TTN: variants seen among roughly 807,000 people sequenced by gnomAD.
The protein encoded by TTN is titin.
Under a neutral mutation model 3,223.0 loss-of-function variants are expected in TTN, and 1,525 were observed. The ratio of observed to expected loss-of-function variants is 0.47; its 90% CI spans 0.45 to 0.49. TTN has a LOEUF of 0.49. Ranked by LOEUF, TTN falls within the 20% of genes least tolerant of loss-of-function variation. TTN has a pLI of 0.00. For synonymous variants in TTN, 14,094 were observed against 15,161.0 expected (o/e 0.93, Z 5.17); for missense variants, 40,786 against 43,424.0 (o/e 0.94, Z 5.40).
At chr2:178,746,777 CCTT>C in intron 47 of TTN, 1 of 1,613,412 alleles carries the variant, frequency 6.2e-7, no homozygotes, top group Non-Finnish European at 8.5e-7. Flanking sequence ...AACTGGAAGA[CCTT>C]CAACTTCAAC....
Position 178,566,663 on chromosome 2 carries a change from G to A in TTN, c.79469C>T (p.Pro26490Leu), listed in dbSNP as rs746317804. The A allele has an allele frequency of 3.7e-6, 6 of 1,612,968 alleles. No homozygotes were observed. The African/African-American group carries it at 5.3e-5, about 14-fold the overall frequency. The part of the protein sequence containing the change: ...KACDPVFKPG[P>L]PTNAHIVDTT... Reference sequence around the variant, plus strand: ...GTCTACAATGTGTGCATTGGTAGGTGGGCCAGGTTTGAACACAGGATCACA... The same window carrying A: ...GTCTACAATGTGTGCATTGGTAGGTAGGCCAGGTTTGAACACAGGATCACA... Residue 26490 changes from proline (P) to leucine (L), a missense_variant, in exon 326 of 363, where the codon CCA becomes CTA. Coordinates refer to ENST00000589042, the MANE Select transcript of TTN (RefSeq NM_001267550.2).
At position 178,727,850 on chromosome 2, in the gene TTN, G is replaced by A. The variant is rs751902051; in HGVS notation, c.19728C>T (p.Phe6576=). The part of the protein sequence containing the change: ...GILTVKEPPS[F]LVKPGRQQAI... Reference sequence around the variant, plus strand: ...CTTGCTGTCGCCCAGGTTTCACTAGGAAGCTTGGTGGTTCTATAGATTTTA... The same window carrying A: ...CTTGCTGTCGCCCAGGTTTCACTAGAAAGCTTGGTGGTTCTATAGATTTTA... The change falls in exon 68 of 363, where the codon TTC becomes TTT. Residue 6576 remains phenylalanine, a synonymous_variant. Coordinates refer to ENST00000589042, the MANE Select transcript of TTN (RefSeq NM_001267550.2). 5.4e-5 allele frequency: 85 copies of A among 1,588,452 alleles called. No homozygotes were observed. Among genetic ancestry groups the A allele is most frequent in the Non-Finnish European group, 6.8e-5 (80 of 1,168,624 alleles).
rs769286646 is a variant in TTN at position 178,764,575 on chromosome 2, T to G, written c.9940A>C (p.Lys3314Gln). ...EDAAVYTCEAKNDYGVATTSA... is the reference protein window; with the variant it reads ...EDAAVYTCEAQNDYGVATTSA... The stretch of plus-strand genomic sequence containing the variant: ...GTTGTGGCAACACCATAGTCATTCT[T>G]GGCTTCACAGGTATAGACTGCCGCA... Residue 3314 changes from lysine (K) to glutamine (Q), a missense_variant, in exon 42 of 363, where the codon AAG becomes CAG. Lys to Gln is a moderately conservative substitution (Grantham distance 53). Transcript: ENST00000589042. The G allele has an allele frequency of 6.2e-7, 1 of 1,614,168 alleles. No homozygotes were observed. Among genetic ancestry groups the G allele is most frequent in the Admixed American group, 1.7e-5 (1 of 60,024 alleles).
At chr2:178,683,792 C>T (rs1272353027) in intron 133 of TTN, among the ~76,000 whole-genome samples, 7 of 151,880 alleles carry the variant, frequency 4.6e-5, no homozygotes, top group African/African-American at 7.2e-5. Context: ...TATTCACATA[C>T]GTTTAGAAGA....
rs763636099 is a variant in TTN, at chr2:178,569,991, C to T, written c.76141G>A (p.Ala25381Thr). Residue 25381 changes from alanine (A) to threonine (T), a missense_variant, in exon 326 of 363, where the codon GCT becomes ACT. Physicochemically the swap from Ala to Thr is moderately conservative, Grantham distance 58 (BLOSUM62 0). Transcript: ENST00000589042. The stretch of plus-strand genomic sequence containing the variant: ...TCACTAAGTCCAGCAGCATTCTCAG[C>T]AGAAACTCTGAACTCATAATCGTGA... ...ENHDYEFRVS[A>T]ENAAGLSEPS... 8 of 1,612,202 alleles carry T rather than the reference C, an allele frequency of 5.0e-6. No homozygotes were observed. The African/African-American group carries it at 6.7e-5, about 13-fold the overall frequency.
intron 231 of TTN, 31 bp from the exon 232 acceptor site, chr2:178,633,707 G>T (rs1259521713): frequency 6.2e-7 from 1 of 1,606,944 alleles, no homozygotes; most frequent in Non-Finnish European, 8.5e-7. Flanking sequence ...AAAATTAGAA[G>T]AATGTGAAAA....
At position 178,609,568 on chromosome 2, in the gene TTN, C is replaced by T. The variant is rs1331271337; in HGVS notation, c.51742G>A (p.Ala17248Thr). ...PPTKAVDPID[A>T]PKVILRTSLE... ...CTTGTTCTCAGAATGACTTTGGGGGCATCTATAGTGATCATAACCAATAAA... is the reference window on the plus strand; with the variant it reads ...CTTGTTCTCAGAATGACTTTGGGGGTATCTATAGTGATCATAACCAATAAA... The change falls in exon 273 of 363, where the codon GCC (alanine) becomes ACC (threonine). Residue 17248 changes from alanine (A) to threonine (T), a missense_variant and splice_region_variant. By Grantham distance (58) the Ala-to-Thr change is moderately conservative. Coordinates refer to ENST00000589042, the MANE Select transcript of TTN (RefSeq NM_001267550.2). The T allele has an allele frequency of 3.1e-6, 5 of 1,599,834 alleles. No individual in the cohort carries two copies. The highest frequency in any genetic ancestry group is 4.3e-6 in the Non-Finnish European group (5 of 1,172,748).
At chr2:178,701,466 A>G in intron 110 of TTN, 62 bp downstream of exon 110, 1 of 1,544,596 alleles carries the variant, frequency 6.5e-7, no homozygotes, top group Non-Finnish European at 8.8e-7. Flanking sequence ...AAAATTTCGT[A>G]CAGATTCCTA....
chr2:178,728,631 G>C lies in TTN; in HGVS notation c.19295C>G (p.Ser6432Ter). Residue 6432 changes from serine to a stop codon, truncating the protein, a stop_gained, in exon 66 of 363, where the codon TCA becomes TGA. Coordinates refer to ENST00000589042, the MANE Select transcript of TTN (RefSeq NM_001267550.2). LOFTEE classifies it high-confidence loss of function. ...GGCCACGTTATTTTCAAAACTCATT[G>C]AAAAGTATCTACTGGGAACTATTTG... Reference protein sequence around the residue: ...GKQIVPSRYFSMSFENNVASF... With the variant: ...GKQIVPSRYF The C allele has an allele frequency of 6.2e-7, 1 of 1,613,258 alleles. No homozygotes were observed. Among genetic ancestry groups the C allele is most frequent in the South Asian group, 1.1e-5 (1 of 91,056 alleles).
At chr2:178,701,957 T>C (rs2075078311) in intron 109 of TTN, 83 bp downstream of exon 109, 3 of 1,313,700 alleles carry the variant, frequency 2.3e-6, no homozygotes, top group South Asian at 2.6e-5. Context: ...AGATATCTTA[T>C]ACATTTTAGT....
At position 178,665,420 on chromosome 2, in the gene TTN, T is replaced by C. The variant is rs2065754046; in HGVS notation, c.36000A>G (p.Ile12000Met). The C allele has an allele frequency of 1.2e-6, 2 of 1,612,378 alleles. No individual in the cohort carries two copies. Among genetic ancestry groups the C allele is most frequent in the African/African-American group, 1.3e-5 (1 of 74,924 alleles). Residue 12000 changes from isoleucine (I) to methionine (M), a missense_variant, in exon 165 of 363, where the codon ATA (isoleucine) becomes ATG (methionine). Physicochemically the swap from Ile to Met is conservative, Grantham distance 10. Transcript: ENST00000589042. ...AMKEVVPEMK[I>M]FEDVPEEPET... ...CTGGCTCTTCAGGTACATCCTCAAA[T>C]ATTTTCATTTCAGGGACAACTTCTT...
chr2:178,605,621 T>A lies in TTN; in HGVS notation c.53674A>T (p.Ser17892Cys). 1 of 1,612,028 alleles carries A rather than the reference T, an allele frequency of 6.2e-7. No individual in the cohort carries two copies. Among genetic ancestry groups the A allele is most frequent in the South Asian group, 1.1e-5 (1 of 90,916 alleles). The change falls in exon 279 of 363, where the codon AGT becomes TGT. Residue 17892 changes from serine (S) to cysteine (C), a missense_variant. Ser to Cys is a moderately radical substitution (Grantham distance 112). Coordinates refer to ENST00000589042, the MANE Select transcript of TTN (RefSeq NM_001267550.2). ...TCAATGATATATCCTTGGATGGGAC[T>A]GCCACCATTACTGCGGGGCTCTTTC... The part of the protein sequence containing the change: ...DWKEPRSNGG[S>C]PIQGYIIEKR...
intron 127 of TTN, among the ~76,000 whole-genome samples, chr2:178,686,203 C>T (rs1487906214): frequency 7.4e-6 from 1 of 134,362 alleles, no homozygotes; most frequent in Non-Finnish European, 1.5e-5. Context: ...TCACTGCAAG[C>T]TCCGCCTCCC....
chr2:178,552,880 A>G lies in TTN; in HGVS notation c.90020T>C (p.Val30007Ala). 6.2e-7 allele frequency: 1 copy of G among 1,613,346 alleles called. No individual in the cohort carries two copies. Among genetic ancestry groups the G allele is most frequent in the South Asian group, 1.1e-5 (1 of 91,046 alleles). ...LSEKTPFFFRVLAENEIGIGE... is the reference protein window; with the variant it reads ...LSEKTPFFFRALAENEIGIGE... ...AATTCCAATTTCATTTTCTGCAAGA[A>G]CTCTGAAGAAGAATGGAGTCTTCTC... The change falls in exon 335 of 363, where the codon GTT becomes GCT. Residue 30007 changes from valine to alanine, a missense_variant. Transcript: ENST00000589042.
In TTN at chr2:178,728,713, C is replaced by G. The variant is rs1431926097; in HGVS notation, c.19213G>C (p.Glu6405Gln). 1 of 1,612,692 alleles carries G rather than the reference C, an allele frequency of 6.2e-7. No individual in the cohort carries two copies. The highest frequency in any genetic ancestry group is 8.5e-7 in the Non-Finnish European group (1 of 1,178,908). The change falls in exon 66 of 363, where the codon GAA (glutamate) becomes CAA (glutamine). Residue 6405 changes from glutamate to glutamine, a missense_variant. Transcript: ENST00000589042. ...TCTGGTGTTCCAGCCACAACACATT[C>G]CAAGGTCATGGGATCTTTCTCCGTA... The part of the protein sequence containing the change: ...DVTEKDPMTL[E>Q]CVVAGTPELK...
rs370450339 is a variant in TTN at position 178,608,694 on chromosome 2, T to C, written c.52317A>G (p.Lys17439=). 1.9e-4 allele frequency: 306 copies of C among 1,612,294 alleles called. No individual in the cohort carries two copies. The highest frequency in any genetic ancestry group is 2.5e-4 in the Non-Finnish European group (292 of 1,179,130). The change falls in exon 274 of 363, where the codon AAA becomes AAG. Residue 17439 remains lysine, a synonymous_variant. Transcript: ENST00000589042. ...CAGCTCTTACACGGAAGAGGTACTC[T>C]TTTCCTTCAATCAGTTTTGTTACTG... is the stretch of plus-strand genomic sequence containing the variant. ...KYSVTKLIEG[K]EYLFRVRAEN...
rs764849555 is a variant in TTN at position 178,629,289 on chromosome 2, C to A, written c.44424+12G>T. 2.5e-6 allele frequency: 4 copies of A among 1,611,170 alleles called. No individual in the cohort carries two copies. Among genetic ancestry groups the A allele is most frequent in the Non-Finnish European group, 8.5e-7 (1 of 1,178,562 alleles). ...AAAAGAACGGGAAAGACAAGGCATGCCTGCTTTTTACCTTATCGCTGGGCT... is the reference window on the plus strand; with the variant it reads ...AAAAGAACGGGAAAGACAAGGCATGACTGCTTTTTACCTTATCGCTGGGCT... On this transcript the variant is annotated intron_variant, in intron 240 of 362. Transcript: ENST00000589042.
rs1560204912 is a variant in TTN, at chr2:178,665,469, A to ATAT, written c.35960-12_35960-10dup. 6.2e-7 allele frequency: 1 copy of ATAT among 1,611,612 alleles called. No homozygotes were observed. ...TTTCATAGCTTCTGGTGCTTTGAAGATATTAGTATTATGGTTAGAGGTTAA... is the reference window on the plus strand; with the variant it reads ...TTTCATAGCTTCTGGTGCTTTGAAGATATTATTAGTATTATGGTTAGAGGTTAA... On this transcript the variant is annotated splice_polypyrimidine_tract_variant and intron_variant, in intron 164 of 362. Transcript: ENST00000589042.
chr2:178,712,600 T>A lies in TTN; in HGVS notation c.27329-7A>T. 12 of 1,607,710 alleles carry A rather than the reference T, an allele frequency of 7.5e-6. No homozygotes were observed. Among genetic ancestry groups the A allele is most frequent in the Non-Finnish European group, 9.3e-6 (11 of 1,176,482 alleles). ...TTCACAAATTTGGCTGGGGCTAAAG[T>A]GACCAAATTGAAAATATAAAATCAA... is the stretch of plus-strand genomic sequence containing the variant. On this transcript the variant is annotated splice_region_variant and splice_polypyrimidine_tract_variant and intron_variant, in intron 94 of 362. Coordinates refer to ENST00000589042, the MANE Select transcript of TTN (RefSeq NM_001267550.2).
Sources: allele counts gnomAD v4.1 joint callset (sites outside exome capture counted in the v4.1 genomes callset), GRCh38; gene constraint gnomAD v4.1.1; transcripts MANE v1.5; gene names NCBI Gene and HGNC (gene_info 2026-07-23, HGNC 2026-07-21).